Variants in PDE3A observed in about 807,000 individuals in gnomAD.
The protein encoded by PDE3A is cGMP-inhibited 3',5'-cyclic phosphodiesterase 3A.
Under a neutral mutation model 98.3 loss-of-function variants are expected in PDE3A, and 43 were observed. The observed-to-expected ratio is 0.44, with a 90% CI of 0.34 to 0.56. PDE3A has a LOEUF of 0.56. PDE3A is among the 20% of genes least tolerant of loss of function. The pLI, the probability that PDE3A is intolerant of heterozygous loss-of-function variation, is 0.01. For missense variants in PDE3A, 1,427 were observed against 1,440.7 expected (o/e 0.99, Z 0.15); for synonymous variants, 663 against 567.9 (o/e 1.17, Z -2.38).
chr12:20,625,452 A>G (rs1184121064), intron 5 of PDE3A, among the ~76,000 whole-genome samples: 1 of 152,166 alleles, frequency 6.6e-6, no homozygotes, highest in Non-Finnish European at 1.5e-5. Flanking sequence ...TGTTTTTCCT[A>G]TACAAAATTT....
At chr12:20,431,834 G>T (rs543134270) in intron 1 of PDE3A, among the ~76,000 whole-genome samples, 1 of 152,212 alleles carries the variant, frequency 6.6e-6, no homozygotes, top group South Asian at 2.1e-4. Flanking sequence ...AAGAAAATAG[G>T]TTCATTTAAT....
chr12:20,521,041 C>T (rs74629992), intron 1 of PDE3A, among the ~76,000 whole-genome samples: 1,575 of 152,190 alleles, frequency 0.01, 34 homozygotes, highest in African/African-American at 0.036. Context: ...TGGATGTAAA[C>T]ATATTTTGTT....
At chr12:20,431,594 A>AACACACACACACACAC (rs35221225) in intron 1 of PDE3A, among the ~76,000 whole-genome samples, 1 of 146,774 alleles carries the variant, frequency 6.8e-6, no homozygotes, top group African/African-American at 2.5e-5. Flanking sequence ...TAGTCAGGAA[A>AACACACACACACACAC]ACACACACAC....
At chr12:20,566,199 T>C (rs1343689690) in intron 2 of PDE3A, among the ~76,000 whole-genome samples, 2 of 151,994 alleles carry the variant, frequency 1.3e-5, no homozygotes, top group Non-Finnish European at 2.9e-5. Context: ...TTTTGCTTTT[T>C]GGCGGAGTTT....
chr12:20,474,911 T>A (rs774273346), intron 1 of PDE3A, among the ~76,000 whole-genome samples: 29 of 152,174 alleles, frequency 1.9e-4, no homozygotes, highest in Non-Finnish European at 3.8e-4. Context: ...GATTAGAATG[T>A]GGCTATCTTT....
intron 6 of PDE3A, among the ~76,000 whole-genome samples, chr12:20,632,942 A>T (rs1167659405): frequency 7.1e-6 from 1 of 140,218 alleles, no homozygotes; most frequent in African/African-American, 2.6e-5. Context: ...TAAATCTAAT[A>T]ATGAGGCTTT....
intron 2 of PDE3A, chr12:20,572,026 G>A (rs1942812255): frequency 9.0e-7 from 1 of 1,106,826 alleles, no homozygotes; most frequent in Non-Finnish European, 1.1e-6. Context: ...TTGGAGGATA[G>A]CTGGAGTTGC....
At chr12:20,665,959 C>CTTTTT (rs35859257) in intron 15 of PDE3A, among the ~76,000 whole-genome samples, 1,635 of 94,308 alleles carry the variant, frequency 0.017, no homozygotes, top group Non-Finnish European at 0.023. Flanking sequence ...TTTGTCATTT[C>CTTTTT]TTTTTTTTTT....
At chr12:20,663,191 A>G (rs1216598700) in intron 15 of PDE3A, among the ~76,000 whole-genome samples, 1 of 152,250 alleles carries the variant, frequency 6.6e-6, no homozygotes, top group Non-Finnish European at 1.5e-5. Context: ...AAGAGGATGT[A>G]TGGCAATGCC....
rs1945952843 is a variant in PDE3A at position 20,686,059 on chromosome 12, T to C, written c.*5788T>C. Among the ~76,000 whole-genome samples the C allele has an allele frequency of 6.6e-6, 1 of 152,200 alleles. No homozygotes were observed. The highest frequency in any genetic ancestry group is 6.5e-5 in the Admixed American group (1 of 15,270). On this transcript the variant is annotated 3_prime_UTR_variant, in exon 16 of 16. Transcript: ENST00000359062. ...CATAATCAGAACTGTAAACTACTGA[T>C]TATTTTCATATACTCAGAGGCTGAA... is the stretch of plus-strand genomic sequence containing the variant.
intron 9 of PDE3A, among the ~76,000 whole-genome samples, chr12:20,638,627 T>C (rs984925834): frequency 3.3e-5 from 5 of 152,126 alleles, no homozygotes; most frequent in Non-Finnish European, 7.4e-5. Context: ...ATTTTCTTTC[T>C]GAAACCCATG....
intron 2 of PDE3A, 110 bp from the exon 3 acceptor site, chr12:20,613,333 T>C (rs1208110069): frequency 1.0e-6 from 1 of 985,336 alleles, no homozygotes. Flanking sequence ...TGTACTGAAA[T>C]CCTAAAGAAT....
At chr12:20,611,729 A>T (rs1018487411) in intron 2 of PDE3A, among the ~76,000 whole-genome samples, 5 of 151,746 alleles carry the variant, frequency 3.3e-5, no homozygotes, top group African/African-American at 7.2e-5. Flanking sequence ...ATCTTTATGG[A>T]TGTTAGGTGT....
intron 2 of PDE3A, among the ~76,000 whole-genome samples, chr12:20,580,588 A>T (rs1943039410): frequency 6.6e-6 from 1 of 152,228 alleles, no homozygotes; most frequent in Non-Finnish European, 1.5e-5. Flanking sequence ...GACTGTGATC[A>T]TAGCAATCAA....
Position 20,552,753 on chromosome 12 carries a change from C to T in PDE3A, c.961-3907C>T. 6.2e-7 allele frequency: 1 copy of T among 1,614,074 alleles called. No homozygotes were observed. Among genetic ancestry groups the T allele is most frequent in the Non-Finnish European group, 8.5e-7 (1 of 1,179,906 alleles). On this transcript the variant is annotated intron_variant, in intron 1 of 15. Coordinates refer to ENST00000359062, the MANE Select transcript of PDE3A (RefSeq NM_000921.5). This position sits in a 1 kb window ranked among gnomAD's most constrained non-coding sequence, Gnocchi z 5.1. ...CACTCAAGGACCGGCCGGCGAGCGG[C>T]AGCCCGTTCCAGTTGTTCCTGAGTA...
intron 1 of PDE3A, among the ~76,000 whole-genome samples, chr12:20,382,684 C>A (rs986829126): frequency 2.0e-5 from 3 of 151,890 alleles, no homozygotes; most frequent in Non-Finnish European, 4.4e-5. Context: ...CTTAAACTTT[C>A]AAAACTTTAG....
intron 15 of PDE3A, among the ~76,000 whole-genome samples, chr12:20,665,220 T>C (rs923781145): frequency 6.6e-6 from 1 of 152,214 alleles, no homozygotes; most frequent in African/African-American, 2.4e-5. Context: ...TTATCTTGTC[T>C]GTCAGAGGGT....
chr12:20,496,031 A>C (rs1431362795), intron 1 of PDE3A, among the ~76,000 whole-genome samples: 2 of 152,136 alleles, frequency 1.3e-5, no homozygotes, highest in Non-Finnish European at 2.9e-5. Flanking sequence ...TTTGATTCAC[A>C]TTTCCCCCTC....
chr12:20,442,427 C>A (rs561160544), intron 1 of PDE3A, among the ~76,000 whole-genome samples: 1 of 152,278 alleles, frequency 6.6e-6, no homozygotes, highest in African/African-American at 2.4e-5. Flanking sequence ...TGTTCTTTCA[C>A]AATCACATAG....
Sources: allele counts gnomAD v4.1 joint callset (sites outside exome capture counted in the v4.1 genomes callset), GRCh38; gene constraint gnomAD v4.1.1; non-coding constraint Gnocchi (gnomAD v3.1); transcripts MANE v1.5; gene names NCBI Gene and HGNC (gene_info 2026-07-23, HGNC 2026-07-21).